Variants in FGF14 observed in about 807,000 individuals in gnomAD.
The protein encoded by FGF14 is fibroblast growth factor 14.
FGF14 carries 5 observed loss-of-function variants against 25.5 expected under a neutral mutation model. The observed-to-expected ratio is 0.20, with a 90% confidence interval of 0.10 to 0.41. The LOEUF (loss-of-function observed/expected upper bound fraction) is 0.41. Ranked by LOEUF, FGF14 falls within the 10% of genes least tolerant of loss-of-function variation. The probability of loss-of-function intolerance (pLI) is 1.00; values close to 1 mark genes in which losing one functional copy is unlikely to be tolerated. For synonymous variants in FGF14, 138 were observed against 118.3 expected (o/e 1.17, Z -1.08); for missense variants, 222 against 320.1 (o/e 0.69, Z 2.34).
chr13:102,263,225 C>G (rs2052807865), intron 1 of FGF14: 2 of 490,730 alleles, frequency 4.1e-6, no homozygotes, highest in Non-Finnish European at 7.9e-6. Flanking sequence ...CGCAGTCAAG[C>G]ACACACCACG....
intron 3 of FGF14, among the ~76,000 whole-genome samples, chr13:101,778,457 C>T (rs746249638): frequency 5.3e-5 from 8 of 152,166 alleles, no homozygotes; most frequent in Non-Finnish European, 1.2e-4. Flanking sequence ...AGCTGATGGT[C>T]TTCCACACCA....
intron 3 of FGF14, among the ~76,000 whole-genome samples, chr13:101,806,280 A>G (rs1383522014): frequency 6.6e-6 from 1 of 151,908 alleles, no homozygotes; most frequent in African/African-American, 2.4e-5. Flanking sequence ...TTAACAAGGC[A>G]TGGTGATGTG....
At chr13:102,394,201 T>C (rs1035238483) in intron 1 of FGF14, among the ~76,000 whole-genome samples, 7 of 152,218 alleles carry the variant, frequency 4.6e-5, no homozygotes, top group Non-Finnish European at 8.8e-5. Context: ...GCCAGCTCCC[T>C]TCCCTTTCCT....
At chr13:102,374,165 TAC>T (rs1357399667) in intron 1 of FGF14, among the ~76,000 whole-genome samples, 2 of 152,252 alleles carry the variant, frequency 1.3e-5, no homozygotes, top group East Asian at 3.9e-4. Flanking sequence ...AATACATCGT[TAC>T]AGTCATTCTT....
chr13:101,861,521 C>G (rs1274617168), intron 3 of FGF14, among the ~76,000 whole-genome samples: 1 of 151,008 alleles, frequency 6.6e-6, no homozygotes, highest in Non-Finnish European at 1.5e-5. Flanking sequence ...TTTTTTCCAC[C>G]CCTTTAATTC....
chr13:102,019,806 G>A (rs963236182), intron 1 of FGF14, among the ~76,000 whole-genome samples: 5 of 152,138 alleles, frequency 3.3e-5, no homozygotes, highest in African/African-American at 1.2e-4. Context: ...AGCTGGGAGA[G>A]GCAGAATTGT....
chr13:102,196,957 G>GTTT (rs60053028), intron 1 of FGF14, among the ~76,000 whole-genome samples: 1 of 149,674 alleles, frequency 6.7e-6, no homozygotes, highest in Non-Finnish European at 1.5e-5. Flanking sequence ...TGTTTTTTTG[G>GTTT]TTTTTTTTTT....
intron 1 of FGF14, among the ~76,000 whole-genome samples, chr13:102,379,514 G>GTA (rs202178545): frequency 1.2e-3 from 183 of 149,440 alleles, no homozygotes; most frequent in Middle Eastern, 3.5e-3. Context: ...TCAGTTTAAA[G>GTA]TATATATATA....
At chr13:102,358,171 T>G (rs890166477) in intron 1 of FGF14, among the ~76,000 whole-genome samples, 5 of 152,220 alleles carry the variant, frequency 3.3e-5, no homozygotes, top group Non-Finnish European at 7.3e-5. Flanking sequence ...TGGTGTCCTC[T>G]AAATAATGAT....
At chr13:101,998,106 A>G (rs546161345) in intron 1 of FGF14, among the ~76,000 whole-genome samples, 1 of 152,274 alleles carries the variant, frequency 6.6e-6, no homozygotes, top group South Asian at 2.1e-4. Flanking sequence ...TTAAGATATC[A>G]TATTCCATTT....
intron 1 of FGF14, among the ~76,000 whole-genome samples, chr13:101,904,983 G>C (rs970332519): frequency 6.6e-6 from 1 of 152,290 alleles, no homozygotes; most frequent in East Asian, 1.9e-4. Flanking sequence ...AATCTTGTAG[G>C]AAAACTTCAA....
chr13:102,024,718 T>A (rs2040838448), intron 1 of FGF14, among the ~76,000 whole-genome samples: 1 of 151,996 alleles, frequency 6.6e-6, no homozygotes, highest in East Asian at 1.9e-4. Context: ...CACCAATTTT[T>A]CTTCTAAGAG....
At chr13:102,095,408 C>T (rs561705298) in intron 1 of FGF14, among the ~76,000 whole-genome samples, 1 of 152,216 alleles carries the variant, frequency 6.6e-6, no homozygotes, top group Non-Finnish European at 1.5e-5. Context: ...ACGACATAGG[C>T]CCCTCTATGA....
chr13:102,358,730 C>A (rs970691815), intron 1 of FGF14, among the ~76,000 whole-genome samples: 1 of 152,262 alleles, frequency 6.6e-6, no homozygotes, highest in Middle Eastern at 3.4e-3. Flanking sequence ...GGAAAGGTTG[C>A]AGATTATAAA....
At position 102,056,382 on chromosome 13, in the gene FGF14, A is replaced by G. The variant is rs529778017; in HGVS notation, c.209-181086T>C. On this transcript the variant is annotated intron_variant, in intron 1 of 4. Transcript: ENST00000376131. ...AGGCTACATTTTGTCCAATTGGTGC[A>G]AGAGTTTTCAGTTCGTGCCACTACC... 2.0e-5 allele frequency among the ~76,000 whole-genome samples: 3 copies of G among 152,356 alleles called. No homozygotes were observed. In the South Asian group the frequency reaches 6.2e-4, roughly 32 times the overall value.
chr13:101,753,009 A>G (rs1243443408), intron 3 of FGF14, among the ~76,000 whole-genome samples: 1 of 152,204 alleles, frequency 6.6e-6, no homozygotes, highest in Non-Finnish European at 1.5e-5. Context: ...TATTAATCAC[A>G]GTTTAATTAT....
At chr13:102,048,058 T>C (rs2042068711) in intron 1 of FGF14, among the ~76,000 whole-genome samples, 1 of 152,008 alleles carries the variant, frequency 6.6e-6, no homozygotes, top group Non-Finnish European at 1.5e-5. Context: ...ACTTTTCATA[T>C]TTAACTGAAG....
intron 3 of FGF14, among the ~76,000 whole-genome samples, chr13:101,824,078 T>A (rs151215934): frequency 6.6e-6 from 1 of 152,140 alleles, no homozygotes; most frequent in Non-Finnish European, 1.5e-5. Context: ...TTCACTCAGA[T>A]ATTATTTGTC....
chr13:102,340,791 T>G (rs1192913885), intron 1 of FGF14, among the ~76,000 whole-genome samples: 1 of 152,214 alleles, frequency 6.6e-6, no homozygotes, highest in Non-Finnish European at 1.5e-5. Flanking sequence ...GAATGTACTT[T>G]CGTGGGCTTT....
Sources: allele counts gnomAD v4.1 joint callset (sites outside exome capture counted in the v4.1 genomes callset), GRCh38; gene constraint gnomAD v4.1.1; transcripts MANE v1.5; gene names NCBI Gene and HGNC (gene_info 2026-07-23, HGNC 2026-07-21).